Variants in CSMD1 observed in about 807,000 individuals in gnomAD.
The protein encoded by CSMD1 is CUB and Sushi multiple domains 1, also known as CUB and sushi domain-containing protein 1.
A neutral mutation model predicts 417.5 loss-of-function variants in CSMD1; 213 were observed. That is an observed-to-expected ratio of 0.51 (90% CI 0.46 to 0.57). The LOEUF (loss-of-function observed/expected upper bound fraction) is 0.57. Among genes scored for constraint, CSMD1 ranks in the 20% least tolerant of loss-of-function variants. CSMD1 has a pLI of 0.00. For synonymous variants in CSMD1, 2,862 were observed against 1,736.8 expected, an observed-to-expected ratio of 1.65 and a Z score of -16.11; for missense variants, 6,923 against 4,529.7, an observed-to-expected ratio of 1.53 and a Z score of -15.17.
chr8:3,160,108 A>C (rs560248524), intron 38 of CSMD1, among the ~76,000 whole-genome samples: 15 of 152,270 alleles, frequency 9.9e-5, no homozygotes, highest in Middle Eastern at 3.4e-3. Flanking sequence ...TCCTTGAGAT[A>C]TGAAAGACAA....
chr8:3,611,393 T>G (rs1801887144), intron 8 of CSMD1, among the ~76,000 whole-genome samples: 1 of 152,072 alleles, frequency 6.6e-6, no homozygotes, highest in South Asian at 2.1e-4. Flanking sequence ...ATTGTTTGAG[T>G]TTTGAGTTGA....
intron 2 of CSMD1, among the ~76,000 whole-genome samples, chr8:4,504,019 A>G (rs934345566): frequency 2.6e-5 from 4 of 152,024 alleles, no homozygotes; most frequent in Non-Finnish European, 4.4e-5. Flanking sequence ...CAAAGAGGTT[A>G]TCTGTGTTCT....
intron 2 of CSMD1, among the ~76,000 whole-genome samples, chr8:4,590,017 A>C (rs563761697): frequency 5.0e-4 from 76 of 152,338 alleles, no homozygotes; most frequent in African/African-American, 1.7e-3. Context: ...AATGGCTCCA[A>C]ATGCTTGTCT....
intron 5 of CSMD1, among the ~76,000 whole-genome samples, chr8:3,771,426 A>G (rs1457729604): frequency 6.6e-6 from 1 of 152,184 alleles, no homozygotes; most frequent in Non-Finnish European, 1.5e-5. Context: ...CTTTTTGCAG[A>G]TGATAGCAAG....
At chr8:3,090,614 G>T (rs935538873) in intron 48 of CSMD1, among the ~76,000 whole-genome samples, 1 of 152,026 alleles carries the variant, frequency 6.6e-6, no homozygotes, top group Non-Finnish European at 1.5e-5. Flanking sequence ...TTGGACGCTC[G>T]TAGTCCCTAA....
At chr8:4,465,826 G>C (rs1004785476) in intron 2 of CSMD1, among the ~76,000 whole-genome samples, 10 of 152,142 alleles carry the variant, frequency 6.6e-5, no homozygotes, top group South Asian at 4.1e-4. Context: ...CCACATTCCT[G>C]AAGTATCTCA....
intron 54 of CSMD1, among the ~76,000 whole-genome samples, chr8:2,984,771 C>T (rs559306688): frequency 1.3e-5 from 2 of 152,334 alleles, no homozygotes; most frequent in African/African-American, 2.4e-5. Flanking sequence ...CCCAGCATCC[C>T]GTGCAAAGCA....
At chr8:3,855,985 A>G (rs1225677635) in intron 5 of CSMD1, among the ~76,000 whole-genome samples, 1 of 152,170 alleles carries the variant, frequency 6.6e-6, no homozygotes, top group Non-Finnish European at 1.5e-5. Context: ...ATCTGTCAGT[A>G]TTAATCAATT....
Position 3,898,968 on chromosome 8 carries a change from T to C in CSMD1, c.818+98935A>G, listed in dbSNP as rs576450773. 1.0e-3 allele frequency among the ~76,000 whole-genome samples: 155 copies of C among 152,164 alleles called. 2 individuals carry two copies. Among genetic ancestry groups the C allele is most frequent in the African/African-American group, 1.1e-3 (45 of 41,516 alleles). The stretch of plus-strand genomic sequence containing the variant: ...TTTTATGGGAAAAATAAAAAACAAA[T>C]GGGACCATACAGTACATATTTCAGT... On this transcript the variant is annotated intron_variant, in intron 5 of 69. Coordinates refer to ENST00000635120, the MANE Select transcript of CSMD1 (RefSeq NM_033225.6).
At position 4,306,995 on chromosome 8, in the gene CSMD1, C is replaced by T. The variant is rs185428379; in HGVS notation, c.415+112958G>A. ...TCGACTGTCTTTTCCCATCTGTCAC[C>T]GCCCTGGTTCAGCCCCTCTTCGTCG... is the stretch of plus-strand genomic sequence containing the variant. On this transcript the variant is annotated intron_variant, in intron 3 of 69. Transcript: ENST00000635120. Among the ~76,000 whole-genome samples, 305 of 152,234 alleles carry T rather than the reference C, an allele frequency of 2.0e-3. 1 individual carries two copies. Among genetic ancestry groups the T allele is most frequent in the African/African-American group, 6.4e-3 (268 of 41,560 alleles).
intron 10 of CSMD1, among the ~76,000 whole-genome samples, chr8:3,561,518 G>C (rs535419360): frequency 6.6e-6 from 1 of 152,292 alleles, no homozygotes; most frequent in African/African-American, 2.4e-5. Context: ...AAATAATGCA[G>C]AAATGGAAAG....
intron 12 of CSMD1, among the ~76,000 whole-genome samples, chr8:3,455,642 C>A (rs972410547): frequency 6.6e-6 from 1 of 152,216 alleles, no homozygotes; most frequent in African/African-American, 2.4e-5. Context: ...TGCTGAACAG[C>A]AAATGCTGCT....
intron 2 of CSMD1, among the ~76,000 whole-genome samples, chr8:4,634,105 G>C (rs1277122766): frequency 6.6e-6 from 1 of 151,526 alleles, no homozygotes; most frequent in East Asian, 1.9e-4. Context: ...TACCAAGAGA[G>C]GTCTCATTTC....
intron 37 of CSMD1, among the ~76,000 whole-genome samples, chr8:3,175,511 T>TGCC (rs1356860287): frequency 1.7e-4 from 9 of 54,456 alleles, no homozygotes; most frequent in South Asian, 7.9e-4. Context: ...CTGCCTGCCT[T>TGCC]TTTTCCTTCC....
chr8:3,545,336 G>A (rs949631305), intron 10 of CSMD1, among the ~76,000 whole-genome samples: 3 of 152,274 alleles, frequency 2.0e-5, no homozygotes, highest in Middle Eastern at 3.4e-3. Flanking sequence ...TACATAAACT[G>A]GTAGCTTTAT....
chr8:4,059,595 A>G (rs973279364), intron 3 of CSMD1, among the ~76,000 whole-genome samples: 5 of 152,126 alleles, frequency 3.3e-5, no homozygotes, highest in Non-Finnish European at 7.4e-5. Context: ...ATGCAATAAA[A>G]AATGATAAAG....
intron 3 of CSMD1, among the ~76,000 whole-genome samples, chr8:4,363,389 G>C (rs892382408): frequency 5.3e-5 from 8 of 152,098 alleles, no homozygotes; most frequent in Non-Finnish European, 8.8e-5. Flanking sequence ...TTATACGTAA[G>C]AGGGATAAAA....
rs149450441 is a variant in CSMD1 at position 4,165,764 on chromosome 8, C to T, written c.416-133665G>A. The stretch of plus-strand genomic sequence containing the variant: ...ATCTCATCATTTCTTCCTGGTCATG[C>T]CATGAGGTGTTAGCTCACGTGTTGT... On this transcript the variant is annotated intron_variant, in intron 3 of 69. Transcript: ENST00000635120. 9.6e-3 allele frequency among the ~76,000 whole-genome samples: 1,468 copies of T among 152,272 alleles called. 25 individuals are homozygous for T. The highest frequency in any genetic ancestry group is 0.034 in the African/African-American group (1,394 of 41,552).
chr8:4,445,784 A>G (rs1426421379), intron 2 of CSMD1, among the ~76,000 whole-genome samples: 1 of 152,212 alleles, frequency 6.6e-6, no homozygotes, highest in Non-Finnish European at 1.5e-5. Flanking sequence ...AAATCACAGA[A>G]ATGTGTCAGA....
Sources: allele counts gnomAD v4.1 joint callset (sites outside exome capture counted in the v4.1 genomes callset), GRCh38; gene constraint gnomAD v4.1.1; transcripts MANE v1.5; gene names NCBI Gene and HGNC (gene_info 2026-07-23, HGNC 2026-07-21).